The following ASS1 variants were observed in gnomAD, a reference collection of about 807,000 sequenced individuals.
ASS1 encodes the protein argininosuccinate synthase 1, also known as argininosuccinate synthase.
Under a neutral mutation model 60.5 loss-of-function variants are expected in ASS1, and 58 were observed. That is an observed-to-expected ratio of 0.96 (90% CI 0.78 to 1.19). The LOEUF (loss-of-function observed/expected upper bound fraction) is 1.19. ASS1 is among the 50% of genes most tolerant of loss of function. The pLI, the probability that ASS1 is intolerant of heterozygous loss-of-function variation, is 0.00. For missense variants in ASS1, 454 were observed against 547.3 expected, an observed-to-expected ratio of 0.83 and a Z score of 1.70; for synonymous variants, 200 against 206.9, an observed-to-expected ratio of 0.97 and a Z score of 0.29.
rs1441903198 is a variant in ASS1, at chr9:130,476,329, T to C, written c.598-542T>C. The C allele has an allele frequency of 1.9e-5, 3 of 156,200 alleles. No individual in the cohort carries two copies. The highest frequency in any genetic ancestry group is 4.3e-5 in the Non-Finnish European group (3 of 70,530). The allele number at this position is 156,200 out of a possible 1,614,324, so 9.7% of individuals were successfully genotyped here. A position where few individuals can be genotyped will look rare whatever the true frequency, so the allele number is the denominator to read the frequency against. ...ATTTTCCAACACGCCCAAGAAAAAATATACATAAAGGTTGATGTGTTTTCA... is the reference window on the plus strand; with the variant it reads ...ATTTTCCAACACGCCCAAGAAAAAACATACATAAAGGTTGATGTGTTTTCA... On this transcript the variant is annotated intron_variant, in intron 8 of 14. Transcript: ENST00000352480. The surrounding 1 kb of genome is among the most constrained non-coding windows in gnomAD (Gnocchi z 4.9).
At position 130,470,946 on chromosome 9, in the gene ASS1, A is replaced by C. The variant is rs1039014850; in HGVS notation, c.566+42A>C. On this transcript the variant is annotated intron_variant, in intron 7 of 14. Transcript: ENST00000352480. The surrounding 1 kb of genome is among the most constrained non-coding windows in gnomAD (Gnocchi z 4.3). ...ACCCATCCTTGGTCCTCCCGGGCTC[A>C]TTCCAAAGGACGGCCACGCGCTGCC... 1 of 1,604,782 alleles carries C rather than the reference A, an allele frequency of 6.2e-7. No homozygotes were observed. The highest frequency in any genetic ancestry group is 8.5e-7 in the Non-Finnish European group (1 of 1,171,996).
In ASS1 at chr9:130,470,525, A is replaced by T; in HGVS notation, c.496-309A>T. ...GGGGCTGGTTGGCTGGTGCCGGGAG[A>T]CCTGGCTGGGCATGGCACCTGCGTG... is the stretch of plus-strand genomic sequence containing the variant. On this transcript the variant is annotated intron_variant, in intron 6 of 14. Coordinates refer to ENST00000352480, the MANE Select transcript of ASS1 (RefSeq NM_054012.4). This position sits in a 1 kb window ranked among gnomAD's most constrained non-coding sequence, Gnocchi z 4.3. 6.6e-6 allele frequency among the ~76,000 whole-genome samples: 1 copy of T among 152,052 alleles called. No homozygotes were observed. The highest frequency in any genetic ancestry group is 1.9e-4 in the East Asian group (1 of 5,174).
intron 8 of ASS1, among the ~76,000 whole-genome samples, chr9:130,475,916 C>A (rs1167942671): frequency 4.6e-5 from 7 of 151,946 alleles, no homozygotes; most frequent in Non-Finnish European, 1.0e-4. Context: ...GCCGCCATAC[C>A]CGGATAATTT....
At chr9:130,451,866 T>TCCTG (rs772363785) in intron 1 of ASS1, 5 of 485,694 alleles carry the variant, frequency 1.0e-5, no homozygotes, top group South Asian at 7.7e-5. Flanking sequence ...CTCCCACATC[T>TCCTG]CCTGCCTGCG....
chr9:130,487,365 G>A (rs941555902), intron 11 of ASS1, among the ~76,000 whole-genome samples: 2 of 151,524 alleles, frequency 1.3e-5, no homozygotes, highest in East Asian at 1.9e-4. Context: ...CCAGATCCCC[G>A]GTAGGCTTCA....
intron 1 of ASS1, among the ~76,000 whole-genome samples, chr9:130,450,639 G>A (rs575976662): frequency 2.0e-5 from 3 of 152,356 alleles, no homozygotes; most frequent in African/African-American, 4.8e-5. Flanking sequence ...CAGCATGCAC[G>A]GGACTGAATT....
At chr9:130,450,340 C>T in intron 1 of ASS1, 8 of 987,334 alleles carry the variant, frequency 8.1e-6, no homozygotes, top group Non-Finnish European at 8.4e-6. Context: ...CCAGGTACTG[C>T]CCACCTTAAG....
rs1215986 is a variant in ASS1 at position 130,458,784 on chromosome 9, C to T, written c.363+195C>T. 0.33 allele frequency among the ~76,000 whole-genome samples: 50,627 copies of T among 152,252 alleles called. 10,490 individuals carry two copies. Among genetic ancestry groups the T allele is most frequent in the East Asian group, 0.61 (3,163 of 5,166 alleles). Reference sequence around the variant, plus strand: ...CGCTCTGTGCACTGTGGCACCTGAACGCCCATTCTGAGTCCTCACCTCCAC... The same window carrying T: ...CGCTCTGTGCACTGTGGCACCTGAATGCCCATTCTGAGTCCTCACCTCCAC... On this transcript the variant is annotated intron_variant, in intron 4 of 14. Transcript: ENST00000352480.
chr9:130,497,323 T>C (rs1388807061), intron 13 of ASS1, among the ~76,000 whole-genome samples: 2 of 152,190 alleles, frequency 1.3e-5, no homozygotes, highest in South Asian at 2.1e-4. Flanking sequence ...TGAAAGCCCT[T>C]GAGTGACAGC....
intron 5 of ASS1, among the ~76,000 whole-genome samples, chr9:130,465,265 C>T (rs2131881074): frequency 6.6e-6 from 1 of 151,850 alleles, no homozygotes; most frequent in African/African-American, 2.4e-5. Context: ...GTGATCTGCC[C>T]GCCTTGGGCT....
chr9:130,476,834 G>T lies in ASS1; in HGVS notation c.598-37G>T. On this transcript the variant is annotated intron_variant, in intron 8 of 14. Transcript: ENST00000352480. The surrounding 1 kb of genome is among the most constrained non-coding windows in gnomAD (Gnocchi z 4.9). ...TGGGCTGTAGGGTGTCCAGGGACTG[G>T]TATGTCATCTGCCCACCACTTTCTG... 1 of 1,572,330 alleles carries T rather than the reference G, an allele frequency of 6.4e-7. No homozygotes were observed. Among genetic ancestry groups the T allele is most frequent in the Non-Finnish European group, 8.8e-7 (1 of 1,142,670 alleles).
chr9:130,482,691 G>T (rs1228441065), intron 11 of ASS1, among the ~76,000 whole-genome samples: 1 of 152,148 alleles, frequency 6.6e-6, no homozygotes, highest in Non-Finnish European at 1.5e-5. Context: ...GCATTCCACG[G>T]AGGCTGGACC....
At position 130,471,637 on chromosome 9, in the gene ASS1, G is replaced by A. The variant is rs973689163; in HGVS notation, c.597+122G>A. The A allele has an allele frequency of 8.1e-6, 10 of 1,241,084 alleles. No individual in the cohort carries two copies. In the East Asian group the frequency reaches 2.4e-4, roughly 30 times the overall value. 76.9% of individuals were successfully genotyped at this position (1,241,084 alleles called of 1,614,324 possible). On this transcript the variant is annotated intron_variant, in intron 8 of 14. Transcript: ENST00000352480. ...TTTCACGGGGGCCAGCCGTGGGGCT[G>A]GGGCCGAGCCCTGCCTGTGTTCCCC...
At position 130,494,765 on chromosome 9, in the gene ASS1, TGGC is replaced by T; in HGVS notation, c.971-99_971-97del. On this transcript the variant is annotated intron_variant, in intron 12 of 14. Coordinates refer to ENST00000352480, the MANE Select transcript of ASS1 (RefSeq NM_054012.4). This position sits in a 1 kb window ranked among gnomAD's most constrained non-coding sequence, Gnocchi z 4.3. ...TCGCGGGAGGCAGTCATGGTCTGCA[TGGC>T]GGGGTAAACCATGGGGCACCCTTCC... 2 of 1,466,288 alleles carry T rather than the reference TGGC, an allele frequency of 1.4e-6. No homozygotes were observed. 90.8% of individuals were successfully genotyped at this position (1,466,288 alleles called of 1,614,324 possible).
rs995229823 is a variant in ASS1 at position 130,491,530 on chromosome 9, G to A, written c.970+2066G>A. On this transcript the variant is annotated intron_variant, in intron 12 of 14. Coordinates refer to ENST00000352480, the MANE Select transcript of ASS1 (RefSeq NM_054012.4). The surrounding 1 kb of genome is among the most constrained non-coding windows in gnomAD (Gnocchi z 5.3). ...GGCTGGTGATGGGCAGCTTTGAGCC[G>A]GGGACAGGCCAGCTGTAGCGGCCAA... 3.3e-5 allele frequency among the ~76,000 whole-genome samples: 5 copies of A among 152,194 alleles called. No homozygotes were observed. The highest frequency in any genetic ancestry group is 7.2e-5 in the African/African-American group (3 of 41,460).
At chr9:130,481,440 A>G (rs758911425) in intron 11 of ASS1, among the ~76,000 whole-genome samples, 1 of 152,106 alleles carries the variant, frequency 6.6e-6, no homozygotes, top group Non-Finnish European at 1.5e-5. Context: ...ACAACCAAAT[A>G]TCACCTGGCC....
At chr9:130,464,063 A>G in intron 4 of ASS1, 48 bp from the exon 5 acceptor site, 1 of 1,609,328 alleles carries the variant, frequency 6.2e-7, no homozygotes, top group Non-Finnish European at 8.5e-7. Context: ...CCCAGACTCC[A>G]GAACCCCCAT....
intron 2 of ASS1, among the ~76,000 whole-genome samples, chr9:130,453,599 G>A (rs1449693759): frequency 6.6e-6 from 1 of 152,208 alleles, no homozygotes; most frequent in Non-Finnish European, 1.5e-5. Flanking sequence ...AGACCCCTGG[G>A]CTACCACCTG....
rs934490803 is a variant in ASS1 at position 130,470,657 on chromosome 9, T to C, written c.496-177T>C. Among the ~76,000 whole-genome samples the C allele has an allele frequency of 6.6e-6, 1 of 152,170 alleles. No individual in the cohort carries two copies. The highest frequency in any genetic ancestry group is 6.5e-5 in the Admixed American group (1 of 15,286). On this transcript the variant is annotated intron_variant, in intron 6 of 14. Coordinates refer to ENST00000352480, the MANE Select transcript of ASS1 (RefSeq NM_054012.4). The surrounding 1 kb of genome is among the most constrained non-coding windows in gnomAD (Gnocchi z 4.3). Reference sequence around the variant, plus strand: ...ACGGTCCTGCAGTTTCTCTGGGGCATGTCCAGCAATAGGGTCCCCCCAGGG... The same window carrying C: ...ACGGTCCTGCAGTTTCTCTGGGGCACGTCCAGCAATAGGGTCCCCCCAGGG...
Sources: allele counts gnomAD v4.1 joint callset (sites outside exome capture counted in the v4.1 genomes callset), GRCh38; gene constraint gnomAD v4.1.1; non-coding constraint Gnocchi (gnomAD v3.1); transcripts MANE v1.5; gene names NCBI Gene and HGNC (gene_info 2026-07-23, HGNC 2026-07-21).